The following DNAJC2 variants were observed in gnomAD, a reference collection of about 807,000 sequenced individuals.
DNAJC2 encodes the protein DnaJ heat shock protein family (Hsp40) member C2.
A neutral mutation model predicts 94.0 loss-of-function variants in DNAJC2; 32 were observed. The observed-to-expected ratio is 0.34, with a 90% CI of 0.26 to 0.46. The LOEUF (loss-of-function observed/expected upper bound fraction) is 0.46, where lower values mean the gene tolerates loss of function less well. Among genes scored for constraint, DNAJC2 ranks in the 20% least tolerant of loss-of-function variants. DNAJC2 has a pLI of 1.00. For missense variants in DNAJC2, 550 were observed against 719.5 expected, an observed-to-expected ratio of 0.76 and a Z score of 2.69; for synonymous variants, 210 against 229.7, an observed-to-expected ratio of 0.91 and a Z score of 0.77.
chr7:103,317,142 A>G (rs1243118003), intron 12 of DNAJC2, 128 bp from the exon 13 acceptor site: 3 of 790,576 alleles, frequency 3.8e-6, no homozygotes, highest in Non-Finnish European at 5.9e-6. Flanking sequence ...TACTCCTCTC[A>G]GGCCAACCCA....
At chr7:103,343,548 C>T (rs1171041910) in intron 1 of DNAJC2, among the ~76,000 whole-genome samples, 1 of 152,112 alleles carries the variant, frequency 6.6e-6, no homozygotes, top group Non-Finnish European at 1.5e-5. Context: ...GGAACAATAC[C>T]TATTTATCTC....
intron 1 of DNAJC2, 38 bp downstream of exon 1, chr7:103,344,521 C>T (rs1341938102): frequency 1.9e-6 from 3 of 1,611,912 alleles, no homozygotes; most frequent in Non-Finnish European, 2.5e-6. Flanking sequence ...GCAGGGGCAG[C>T]TGAGGTGAGA....
Position 103,316,857 on chromosome 7 carries a change from T to G in DNAJC2, c.1400A>C (p.Asn467Thr), listed in dbSNP as rs1193265980. 1.2e-6 allele frequency: 2 copies of G among 1,613,968 alleles called. No homozygotes were observed. Among genetic ancestry groups the G allele is most frequent in the Admixed American group, 1.7e-5 (1 of 60,018 alleles). ...TGAATTTGTTCCAGCAGGGAACAGA[T>G]TCACAGCTTTAATTAGTAATTGTAG... ...DDLQLLIKAVNLFPAGTNSRW... is the reference protein window; with the variant it reads ...DDLQLLIKAVTLFPAGTNSRW... The change falls in exon 13 of 17, where the codon AAT becomes ACT. Residue 467 changes from asparagine to threonine, a missense_variant. Transcript: ENST00000379263.
intron 9 of DNAJC2, 80 bp downstream of exon 9, chr7:103,322,430 TA>T (rs374674418): frequency 3.1e-6 from 4 of 1,293,798 alleles, no homozygotes; most frequent in Non-Finnish European, 4.2e-6. Flanking sequence ...TAGTTTTTTT[TA>T]AAAAAAGATG....
chr7:103,340,412 T>C lies in DNAJC2; in HGVS notation c.255+1352A>G, dbSNP rs184757745. ...TTTCTAAATGTTTTATACATATGCTTTAGCTTATTTAGTCCTCTAAACAAC... is the reference window on the plus strand; with the variant it reads ...TTTCTAAATGTTTTATACATATGCTCTAGCTTATTTAGTCCTCTAAACAAC... On this transcript the variant is annotated intron_variant, in intron 2 of 16. Transcript: ENST00000379263. Among the ~76,000 whole-genome samples the C allele has an allele frequency of 4.6e-5, 7 of 152,344 alleles. No individual in the cohort carries two copies. In the East Asian group the frequency reaches 1.3e-3, roughly 29 times the overall value.
chr7:103,318,441 TC>T (rs1818194762), intron 12 of DNAJC2, among the ~76,000 whole-genome samples: 1 of 152,232 alleles, frequency 6.6e-6, no homozygotes, highest in African/African-American at 2.4e-5. Flanking sequence ...TCATTTTAAC[TC>T]TGTCCTTCCT....
chr7:103,329,943 C>T (rs1371670941), intron 3 of DNAJC2, among the ~76,000 whole-genome samples: 1 of 152,140 alleles, frequency 6.6e-6, no homozygotes, highest in African/African-American at 2.4e-5. Context: ...CTGACCCAAA[C>T]TCCCAAAATA....
chr7:103,319,225 T>A (rs1479192434), intron 12 of DNAJC2, among the ~76,000 whole-genome samples: 1 of 151,936 alleles, frequency 6.6e-6, no homozygotes, highest in Non-Finnish European at 1.5e-5. Flanking sequence ...GATCATGAGG[T>A]CAAGAATTCA....
At chr7:103,341,682 GTTTATT>G in intron 2 of DNAJC2, 76 bp downstream of exon 2, 1 of 1,167,624 alleles carries the variant, frequency 8.6e-7, no homozygotes, top group Admixed American at 2.5e-5. Flanking sequence ...CTTAAAACAT[GTTTATT>G]AATGGAAAAC....
At chr7:103,341,348 T>A (rs951737384) in intron 2 of DNAJC2, among the ~76,000 whole-genome samples, 2 of 152,244 alleles carry the variant, frequency 1.3e-5, no homozygotes, top group African/African-American at 4.8e-5. Flanking sequence ...CAACAGAGTT[T>A]GGTCTAGTGT....
intron 12 of DNAJC2, 92 bp from the exon 13 acceptor site, chr7:103,317,106 T>C: frequency 9.1e-7 from 1 of 1,098,964 alleles, no homozygotes; most frequent in Non-Finnish European, 1.3e-6. Flanking sequence ...TCCTCAACTC[T>C]CAATGTCATT....
At chr7:103,329,137 G>C in intron 3 of DNAJC2, 1 of 377,602 alleles carries the variant, frequency 2.6e-6, no homozygotes, top group East Asian at 8.8e-5. Context: ...GGCTGTCTCA[G>C]TTTTTCTTCT....
intron 10 of DNAJC2, 94 bp downstream of exon 10, chr7:103,321,838 A>AC (rs1456922824): frequency 2.6e-5 from 37 of 1,415,126 alleles, no homozygotes; most frequent in Admixed American, 5.7e-5. Flanking sequence ...ACAGAGCGAG[A>AC]CCCCATCTAA....
Position 103,317,274 on chromosome 7 carries a change from T to C in DNAJC2, c.1243-260A>G, listed in dbSNP as rs76311420. ...CATGTCATGTGACTTCCATTAGCCTTGGACACTAATTGACAAGTCTGTGGG... is the reference window on the plus strand; with the variant it reads ...CATGTCATGTGACTTCCATTAGCCTCGGACACTAATTGACAAGTCTGTGGG... On this transcript the variant is annotated intron_variant, in intron 12 of 16. Transcript: ENST00000379263. 1.7e-3 allele frequency: 674 copies of C among 397,738 alleles called. 4 individuals are homozygous for C. Among genetic ancestry groups the C allele is most frequent in the African/African-American group, 0.013 (650 of 49,080 alleles). 24.6% of individuals were successfully genotyped at this position (397,738 alleles called of 1,614,324 possible).
chr7:103,317,152 A>C (rs1713729596), intron 12 of DNAJC2, 138 bp from the exon 13 acceptor site: 1 of 717,760 alleles, frequency 1.4e-6, no homozygotes, highest in Non-Finnish European at 2.3e-6. Flanking sequence ...AGGCCAACCC[A>C]AAAAGAAGCA....
At chr7:103,332,235 G>C (rs1023018343) in intron 3 of DNAJC2, among the ~76,000 whole-genome samples, 25 of 152,276 alleles carry the variant, frequency 1.6e-4, no homozygotes, top group African/African-American at 6.0e-4. Flanking sequence ...TCGATCTCCT[G>C]ACCTCATGAT....
Position 103,326,526 on chromosome 7 carries a change from G to C in DNAJC2, c.572+17C>G, listed in dbSNP as rs1476381154. ...AGCCAACAGGGCACTATGATCAAAA[G>C]GGATGCCTTAACTTACCTGGAATTC... On this transcript the variant is annotated intron_variant, in intron 5 of 16. Transcript: ENST00000379263. 3.7e-6 allele frequency: 6 copies of C among 1,613,332 alleles called. No individual in the cohort carries two copies. The East Asian group carries it at 1.3e-4, about 36-fold the overall frequency.
At chr7:103,319,891 C>T (rs1468795471) in intron 10 of DNAJC2, 47 bp from the exon 11 acceptor site, 2 of 1,588,536 alleles carry the variant, frequency 1.3e-6, no homozygotes, top group Non-Finnish European at 1.7e-6. Flanking sequence ...AAAATACATC[C>T]ATCAACATAA....
intron 1 of DNAJC2, among the ~76,000 whole-genome samples, chr7:103,342,504 C>CGGAGA (rs1563476745): frequency 1.3e-4 from 19 of 151,820 alleles, no homozygotes; most frequent in Admixed American, 1.1e-3. Flanking sequence ...GGGGTTTCTC[C>CGGAGA]ATGTTGGTCA....
Sources: allele counts gnomAD v4.1 joint callset (sites outside exome capture counted in the v4.1 genomes callset), GRCh38; gene constraint gnomAD v4.1.1; transcripts MANE v1.5; gene names NCBI Gene and HGNC (gene_info 2026-07-23, HGNC 2026-07-21).